Variants in CFAP91 observed in about 807,000 individuals in gnomAD.
CFAP91 encodes cilia- and flagella-associated protein 91.
A neutral mutation model predicts 95.9 loss-of-function variants in CFAP91; 85 were observed. The ratio of observed to expected loss-of-function variants is 0.89; its 90% CI spans 0.74 to 1.06. The LOEUF (loss-of-function observed/expected upper bound fraction) is 1.06, where lower values mean the gene tolerates loss of function less well. CFAP91 is among the 50% of genes least tolerant of loss of function. The pLI is 0.00. For missense variants in CFAP91, 962 were observed against 943.4 expected, an observed-to-expected ratio of 1.02 and a Z score of -0.26; for synonymous variants, 335 against 327.5, an observed-to-expected ratio of 1.02 and a Z score of -0.25.
At chr3:119,723,507 A>T (rs2053724415) in intron 6 of CFAP91, among the ~76,000 whole-genome samples, 1 of 152,244 alleles carries the variant, frequency 6.6e-6, no homozygotes, top group South Asian at 2.1e-4. Flanking sequence ...ATAAAGCCTT[A>T]CAGTGGAAGA....
At chr3:119,730,073 C>A in intron 7 of CFAP91, 147 bp from the exon 8 acceptor site, 1 of 721,844 alleles carries the variant, frequency 1.4e-6, no homozygotes, top group South Asian at 1.9e-5. Flanking sequence ...GCCCTCAATT[C>A]ATCTGTCATA....
At chr3:119,747,689 C>T (rs1226199928) in intron 15 of CFAP91, 122 bp from the exon 16 acceptor site, 14 of 806,118 alleles carry the variant, frequency 1.7e-5, no homozygotes, top group Non-Finnish European at 2.6e-5. Flanking sequence ...TTTCAGATCA[C>T]TTAATCAAGG....
At chr3:119,740,838 T>A in intron 13 of CFAP91, 143 bp downstream of exon 13, 1 of 513,678 alleles carries the variant, frequency 1.9e-6, no homozygotes, top group Non-Finnish European at 3.2e-6. Flanking sequence ...TCAGCATTTG[T>A]GTGTGTGTGT....
At chr3:119,717,480 C>T (rs1462304462) in intron 6 of CFAP91, among the ~76,000 whole-genome samples, 2 of 152,040 alleles carry the variant, frequency 1.3e-5, no homozygotes, top group Non-Finnish European at 2.9e-5. Flanking sequence ...CTAAGGGAGG[C>T]CCACCTACCA....
chr3:119,747,550 C>A, intron 15 of CFAP91: 1 of 556,888 alleles, frequency 1.8e-6, no homozygotes, highest in Non-Finnish European at 3.1e-6. Flanking sequence ...GGACTTCATC[C>A]CAAGGTTGCT....
chr3:119,716,596 CT>C (rs1231301988), intron 6 of CFAP91, among the ~76,000 whole-genome samples: 2 of 152,056 alleles, frequency 1.3e-5, no homozygotes, highest in African/African-American at 2.4e-5. Context: ...AACACCCATA[CT>C]TTTTTTTGAG....
intron 10 of CFAP91, among the ~76,000 whole-genome samples, chr3:119,736,577 A>G (rs2107893847): frequency 6.6e-6 from 1 of 152,114 alleles, no homozygotes; most frequent in South Asian, 2.1e-4. Flanking sequence ...CGCCCGGCCT[A>G]TTCTACTTTC....
chr3:119,758,759 A>G (rs2107922789), intron 17 of CFAP91, among the ~76,000 whole-genome samples: 1 of 152,232 alleles, frequency 6.6e-6, no homozygotes, highest in Admixed American at 6.5e-5. Flanking sequence ...CAAAGATGAG[A>G]TAGGGATGAG....
intron 17 of CFAP91, 44 bp downstream of exon 17, chr3:119,751,142 A>G (rs1326015103): frequency 6.4e-7 from 1 of 1,558,932 alleles, no homozygotes; most frequent in Admixed American, 1.9e-5. Flanking sequence ...AGAAAGGAAG[A>G]AAAGCGGCAT....
At chr3:119,737,576 A>T in intron 11 of CFAP91, 94 bp downstream of exon 11, 8 of 717,218 alleles carry the variant, frequency 1.1e-5, no homozygotes, top group Admixed American at 2.8e-5. Flanking sequence ...CTAATTTAGC[A>T]GTGTTAGTTT....
At chr3:119,761,806 C>A (rs1298254832) in intron 17 of CFAP91, among the ~76,000 whole-genome samples, 1 of 151,724 alleles carries the variant, frequency 6.6e-6, no homozygotes, top group Non-Finnish European at 1.5e-5. Context: ...ACAAAAAAAA[C>A]TCTTAACAGA....
In CFAP91 at chr3:119,705,144, G is replaced by GGACTAGGGTA. The variant is rs558047513; in HGVS notation, c.125-1656_125-1655insAGACTAGGGT. 4.7e-3 allele frequency among the ~76,000 whole-genome samples: 723 copies of GGACTAGGGTA among 152,246 alleles called. 2 individuals carry two copies. Among genetic ancestry groups the GGACTAGGGTA allele is most frequent in the Non-Finnish European group, 8.1e-3 (553 of 68,016 alleles). ...GTATGGATTTCTCTTACTATGATAG[G>GGACTAGGGTA]GACTAGGGTGGCGTGCTTCTTGACT... On this transcript the variant is annotated intron_variant, in intron 1 of 17. Coordinates refer to ENST00000273390, the MANE Select transcript of CFAP91 (RefSeq NM_033364.4).
chr3:119,711,141 T>C (rs1353532238), intron 5 of CFAP91, among the ~76,000 whole-genome samples: 1 of 152,208 alleles, frequency 6.6e-6, no homozygotes. Context: ...CATGTGTTAT[T>C]AAATGTCTGT....
At chr3:119,756,560 C>A (rs747958870) in intron 17 of CFAP91, among the ~76,000 whole-genome samples, 1 of 152,006 alleles carries the variant, frequency 6.6e-6, no homozygotes, top group Non-Finnish European at 1.5e-5. Flanking sequence ...TAAGAAACAG[C>A]AATAATAGGA....
chr3:119,715,868 C>A, intron 6 of CFAP91, 125 bp downstream of exon 6: 1 of 766,188 alleles, frequency 1.3e-6, no homozygotes, highest in South Asian at 1.6e-5. Flanking sequence ...CTTAGTACAG[C>A]AACTTCATAG....
chr3:119,756,375 C>T lies in CFAP91; in HGVS notation c.*1+5277C>T, dbSNP rs189744299. ...CAAACATATTCTTCAAGAATGGCAA[C>T]GAAAGACATTTTCAGACAAATGAAA... On this transcript the variant is annotated intron_variant, in intron 17 of 17. Transcript: ENST00000273390. 7.4e-4 allele frequency among the ~76,000 whole-genome samples: 112 copies of T among 152,102 alleles called. 2 individuals carry two copies. Among genetic ancestry groups the T allele is most frequent in the Middle Eastern group, 6.8e-3 (2 of 294 alleles).
intron 10 of CFAP91, among the ~76,000 whole-genome samples, chr3:119,736,636 C>T (rs2054013986): frequency 6.6e-6 from 1 of 152,036 alleles, no homozygotes; most frequent in Non-Finnish European, 1.5e-5. Context: ...TGGAGTCATG[C>T]AGTATATGGC....
At chr3:119,731,472 T>A (rs2053896299) in intron 8 of CFAP91, among the ~76,000 whole-genome samples, 1 of 152,240 alleles carries the variant, frequency 6.6e-6, no homozygotes, top group South Asian at 2.1e-4. Context: ...AACATTTGTT[T>A]CAGTACTTGG....
chr3:119,761,679 C>T (rs998248662), intron 17 of CFAP91, among the ~76,000 whole-genome samples: 33 of 151,564 alleles, frequency 2.2e-4, no homozygotes, highest in Non-Finnish European at 1.5e-5. Context: ...AAGAATGGCT[C>T]AACATACACA....
Sources: allele counts gnomAD v4.1 joint callset (sites outside exome capture counted in the v4.1 genomes callset), GRCh38; gene constraint gnomAD v4.1.1; transcripts MANE v1.5; gene names NCBI Gene and HGNC (gene_info 2026-07-23, HGNC 2026-07-21).